The following KCNQ5 variants were observed in gnomAD, a reference collection of about 807,000 sequenced individuals.
KCNQ5 encodes the protein potassium voltage-gated channel subfamily KQT member 5.
In KCNQ5, 30 loss-of-function variants were observed where a neutral mutation model predicts 98.2. That is an observed-to-expected ratio of 0.31 (90% confidence interval 0.23 to 0.41). The LOEUF is 0.41. KCNQ5 is among the 10% of genes least tolerant of loss of function. The probability of loss-of-function intolerance (pLI) is 1.00; values close to 1 mark genes in which losing one functional copy is unlikely to be tolerated. For missense variants in KCNQ5, 835 were observed against 1,182.5 expected, an observed-to-expected ratio of 0.71 and a Z score of 4.31; for synonymous variants, 458 against 449.4, an observed-to-expected ratio of 1.02 and a Z score of -0.24.
At chr6:73,177,855 T>C (rs1219775657) in intron 11 of KCNQ5, among the ~76,000 whole-genome samples, 1 of 152,202 alleles carries the variant, frequency 6.6e-6, no homozygotes, top group Non-Finnish European at 1.5e-5. Flanking sequence ...AATGTTGTTT[T>C]TGCTTGTTTT....
intron 9 of KCNQ5, chr6:73,125,663 AT>A (rs1775950671): frequency 1.0e-5 from 2 of 193,170 alleles, no homozygotes; most frequent in African/African-American, 4.8e-5. Context: ...AAGGCTCTGG[AT>A]TATCCATTTT....
chr6:73,038,709 A>C (rs1771554638), intron 2 of KCNQ5, among the ~76,000 whole-genome samples: 1 of 152,050 alleles, frequency 6.6e-6, no homozygotes, highest in African/African-American at 2.4e-5. Context: ...AATAAATCCT[A>C]CTTGCCTATA....
chr6:72,997,707 C>T (rs1036547718), intron 1 of KCNQ5, among the ~76,000 whole-genome samples: 160 of 143,622 alleles, frequency 1.1e-3, no homozygotes, highest in African/African-American at 3.9e-3. Context: ...GGCGTGAATC[C>T]GGAAGGGGGA....
intron 2 of KCNQ5, among the ~76,000 whole-genome samples, chr6:73,029,559 A>G (rs1771040110): frequency 6.6e-6 from 1 of 151,480 alleles, no homozygotes. Flanking sequence ...TAATGGTTCA[A>G]TTGAACAACA....
intron 1 of KCNQ5, among the ~76,000 whole-genome samples, chr6:72,974,744 C>T (rs1301643454): frequency 6.9e-6 from 1 of 144,888 alleles, no homozygotes; most frequent in Non-Finnish European, 1.5e-5. Flanking sequence ...ACACTTTCTA[C>T]TTTTTTTTTT....
intron 1 of KCNQ5, among the ~76,000 whole-genome samples, chr6:72,754,854 T>C (rs952280789): frequency 6.6e-6 from 1 of 152,158 alleles, no homozygotes; most frequent in Admixed American, 6.6e-5. Context: ...ATATCTTTAC[T>C]GAATTTTATA....
chr6:73,133,354 A>G, intron 9 of KCNQ5, 67 bp from the exon 10 acceptor site: 1 of 1,406,544 alleles, frequency 7.1e-7, no homozygotes, highest in Non-Finnish European at 1.0e-6. Context: ...GCTTCATCAA[A>G]TTACTTACCC....
intron 2 of KCNQ5, among the ~76,000 whole-genome samples, chr6:73,034,957 T>C (rs1392155533): frequency 6.6e-6 from 1 of 151,272 alleles, no homozygotes; most frequent in Non-Finnish European, 1.5e-5. Context: ...GCCATTCTCC[T>C]GCCTCAGCCT....
chr6:72,880,174 G>A (rs1778582843), intron 1 of KCNQ5, among the ~76,000 whole-genome samples: 1 of 152,140 alleles, frequency 6.6e-6, no homozygotes. Flanking sequence ...AAAAAATATT[G>A]TGTCTTCATC....
chr6:72,626,128 G>A (rs911709581), intron 1 of KCNQ5, among the ~76,000 whole-genome samples: 35 of 152,220 alleles, frequency 2.3e-4, no homozygotes, highest in African/African-American at 8.4e-4. Flanking sequence ...AGGAAAAGAC[G>A]CCAGCAAGGG....
intron 1 of KCNQ5, among the ~76,000 whole-genome samples, chr6:72,958,328 T>C (rs1767182658): frequency 6.6e-6 from 1 of 152,156 alleles, no homozygotes; most frequent in South Asian, 2.1e-4. Context: ...CTTTATAACA[T>C]ATAGTTAGTG....
At chr6:72,663,088 G>A (rs1766609847) in intron 1 of KCNQ5, among the ~76,000 whole-genome samples, 1 of 152,066 alleles carries the variant, frequency 6.6e-6, no homozygotes, top group South Asian at 2.1e-4. Context: ...GTAGAACAAT[G>A]AGAACACGTG....
chr6:72,906,298 G>A (rs1480736925), intron 1 of KCNQ5, among the ~76,000 whole-genome samples: 1 of 152,140 alleles, frequency 6.6e-6, no homozygotes, highest in Non-Finnish European at 1.5e-5. Flanking sequence ...AAGCAGGGCT[G>A]AGAACTTGCC....
intron 1 of KCNQ5, among the ~76,000 whole-genome samples, chr6:72,832,601 A>G (rs1776330043): frequency 6.6e-6 from 1 of 152,164 alleles, no homozygotes; most frequent in African/African-American, 2.4e-5. Flanking sequence ...TAGTCAAGCA[A>G]ACTGTCTCCT....
intron 1 of KCNQ5, among the ~76,000 whole-genome samples, chr6:72,837,730 A>G (rs973838457): frequency 2.6e-5 from 4 of 152,108 alleles, no homozygotes; most frequent in Non-Finnish European, 5.9e-5. Context: ...AAGTCATGTT[A>G]TATGTTTTTT....
At chr6:72,964,470 A>G (rs1265602604) in intron 1 of KCNQ5, among the ~76,000 whole-genome samples, 2 of 152,196 alleles carry the variant, frequency 1.3e-5, no homozygotes, top group Non-Finnish European at 2.9e-5. Flanking sequence ...TAGTGAAAAT[A>G]TGCCTTAGGG....
intron 2 of KCNQ5, among the ~76,000 whole-genome samples, chr6:73,030,099 T>C (rs1771072577): frequency 6.6e-6 from 1 of 152,102 alleles, no homozygotes; most frequent in South Asian, 2.1e-4. Flanking sequence ...AGACTGCATA[T>C]ATTAGATTTT....
intron 1 of KCNQ5, among the ~76,000 whole-genome samples, chr6:72,801,703 T>G (rs1359597702): frequency 1.3e-5 from 2 of 151,754 alleles, no homozygotes; most frequent in Admixed American, 1.3e-4. Flanking sequence ...CGTTAGTTGA[T>G]GCAGTTTCTT....
chr6:73,170,214 G>A (rs1777954238), intron 11 of KCNQ5, among the ~76,000 whole-genome samples: 1 of 152,076 alleles, frequency 6.6e-6, no homozygotes. Context: ...GTACAGAATT[G>A]TATATCAAAG....
Sources: allele counts gnomAD v4.1 joint callset (sites outside exome capture counted in the v4.1 genomes callset), GRCh38; gene constraint gnomAD v4.1.1; transcripts MANE v1.5; gene names NCBI Gene and HGNC (gene_info 2026-07-23, HGNC 2026-07-21).